ADAMTS18: variants seen among roughly 807,000 people sequenced by gnomAD.
ADAMTS18 encodes A disintegrin and metalloproteinase with thrombospondin motifs 18.
Under a neutral mutation model 165.9 loss-of-function variants are expected in ADAMTS18, and 157 were observed. The observed-to-expected ratio is 0.95, with a 90% CI of 0.83 to 1.08. ADAMTS18 has a LOEUF of 1.08. ADAMTS18 is among the 50% of genes least tolerant of loss of function. The pLI is 0.00. For missense variants in ADAMTS18, 2,040 were observed against 1,534.0 expected (o/e 1.33, Z -5.51); for synonymous variants, 782 against 578.2 (o/e 1.35, Z -5.06).
chr16:77,335,526 A>G (rs2056294578), intron 12 of ADAMTS18, among the ~76,000 whole-genome samples: 2 of 152,156 alleles, frequency 1.3e-5, no homozygotes, highest in African/African-American at 4.8e-5. Flanking sequence ...TTTTTAATAA[A>G]GAAACAATAA....
At chr16:77,339,683 A>G (rs1054980276) in intron 11 of ADAMTS18, among the ~76,000 whole-genome samples, 1 of 151,928 alleles carries the variant, frequency 6.6e-6, no homozygotes, top group East Asian at 1.9e-4. Flanking sequence ...AGCACTATTT[A>G]TATTTTAAAT....
At chr16:77,369,797 C>T (rs964832270) in intron 3 of ADAMTS18, among the ~76,000 whole-genome samples, 14 of 152,208 alleles carry the variant, frequency 9.2e-5, no homozygotes, top group South Asian at 2.1e-4. Context: ...AAGAAATCTA[C>T]GGGTCAGTAT....
At chr16:77,396,501 C>T (rs973860626) in intron 3 of ADAMTS18, among the ~76,000 whole-genome samples, 1 of 152,036 alleles carries the variant, frequency 6.6e-6, no homozygotes, top group African/African-American at 2.4e-5. Flanking sequence ...TGAAGGAAGT[C>T]GTTATTAGAA....
chr16:77,415,372 T>G (rs1322661599), intron 3 of ADAMTS18, among the ~76,000 whole-genome samples: 2 of 152,142 alleles, frequency 1.3e-5, no homozygotes, highest in Non-Finnish European at 2.9e-5. Flanking sequence ...GGAGAGGGGT[T>G]TATGCATAAG....
At chr16:77,334,797 A>ATATACTATAGTATACAGTATATATACTG (rs2056275648) in intron 12 of ADAMTS18, among the ~76,000 whole-genome samples, 1 of 120,474 alleles carries the variant, frequency 8.3e-6, no homozygotes, top group African/African-American at 3.2e-5. Context: ...TAAATATACT[A>ATATACTATAGTATACAGTATATATACTG]TATACTATAG....
At chr16:77,291,240 C>T (rs2055356314) in intron 21 of ADAMTS18, 26 bp downstream of exon 21, 2 of 1,611,906 alleles carry the variant, frequency 1.2e-6, no homozygotes, top group African/African-American at 2.7e-5. Context: ...CTTGAATAGA[C>T]ACCTCCTCAA....
chr16:77,365,072 G>C (rs2562120), intron 4 of ADAMTS18, among the ~76,000 whole-genome samples: 128,043 of 152,160 alleles, frequency 0.84, 54,266 homozygotes, highest in African/African-American at 0.93. Context: ...CCCCACTGCA[G>C]TCCATAAGGA....
chr16:77,373,232 T>C (rs984781864), intron 3 of ADAMTS18, among the ~76,000 whole-genome samples: 33 of 152,128 alleles, frequency 2.2e-4, no homozygotes, highest in Admixed American at 2.2e-3. Context: ...GGTTCATGCC[T>C]GTAATCCCAG....
At chr16:77,300,658 C>A (rs1419977143) in intron 16 of ADAMTS18, among the ~76,000 whole-genome samples, 2 of 152,024 alleles carry the variant, frequency 1.3e-5, no homozygotes, top group East Asian at 3.9e-4. Flanking sequence ...TTGCCATAAG[C>A]CCATAACGTA....
intron 12 of ADAMTS18, among the ~76,000 whole-genome samples, chr16:77,334,747 T>G (rs2056269324): frequency 8.6e-6 from 1 of 116,824 alleles, no homozygotes; most frequent in Non-Finnish European, 1.7e-5. Flanking sequence ...GTATATATAC[T>G]GTATACTATA....
intron 3 of ADAMTS18, among the ~76,000 whole-genome samples, chr16:77,375,632 G>A (rs202131169): frequency 6.6e-6 from 1 of 152,176 alleles, no homozygotes; most frequent in Non-Finnish European, 1.5e-5. Flanking sequence ...CAGAGACCAA[G>A]TGGCCTGCTA....
At chr16:77,329,618 G>A (rs1339316716) in intron 12 of ADAMTS18, among the ~76,000 whole-genome samples, 1 of 152,078 alleles carries the variant, frequency 6.6e-6, no homozygotes, top group African/African-American at 2.4e-5. Flanking sequence ...CCCACCCTGT[G>A]CTGAGTATTA....
intron 10 of ADAMTS18, among the ~76,000 whole-genome samples, chr16:77,347,348 T>C (rs936680003): frequency 6.6e-6 from 1 of 152,158 alleles, no homozygotes; most frequent in Non-Finnish European, 1.5e-5. Flanking sequence ...AGGGTAAAGG[T>C]AGGTTTAACT....
chr16:77,400,481 T>A (rs1052752864), intron 3 of ADAMTS18, among the ~76,000 whole-genome samples: 1 of 109,674 alleles, frequency 9.1e-6, no homozygotes, highest in East Asian at 2.2e-4. Context: ...TGTGTGTGTG[T>A]TTTGTTTTTT....
chr16:77,379,471 C>A (rs1303719622), intron 3 of ADAMTS18, among the ~76,000 whole-genome samples: 1 of 152,022 alleles, frequency 6.6e-6, no homozygotes, highest in Non-Finnish European at 1.5e-5. Context: ...ACCTTATATG[C>A]TGGCTATCTG....
chr16:77,426,802 T>A (rs1045094510), intron 3 of ADAMTS18, among the ~76,000 whole-genome samples: 3 of 152,082 alleles, frequency 2.0e-5, no homozygotes, highest in Non-Finnish European at 4.4e-5. Flanking sequence ...GCAGGAAGAT[T>A]GCTTGAGCCC....
At chr16:77,376,329 C>G (rs749382787) in intron 3 of ADAMTS18, among the ~76,000 whole-genome samples, 1 of 152,174 alleles carries the variant, frequency 6.6e-6, no homozygotes, top group Non-Finnish European at 1.5e-5. Context: ...AAATCCACCC[C>G]CAAGATCCAA....
chr16:77,286,220 C>G (rs560351355), intron 22 of ADAMTS18, among the ~76,000 whole-genome samples: 2 of 152,274 alleles, frequency 1.3e-5, no homozygotes, highest in East Asian at 3.9e-4. Context: ...GGTTCACCTT[C>G]CTTGAGGTCT....
rs2056089108 is a variant in ADAMTS18 at position 77,325,998 on chromosome 16, T to C, written c.1900A>G (p.Ile634Val). 3 of 1,613,922 alleles carry C rather than the reference T, an allele frequency of 1.9e-6. No individual in the cohort carries two copies. The highest frequency in any genetic ancestry group is 4.5e-5 in the East Asian group (2 of 44,874). Residue 634 changes from isoleucine (I) to valine (V), a missense_variant, in exon 13 of 23, where the codon ATT (isoleucine) becomes GTT (valine). Coordinates refer to ENST00000282849, the MANE Select transcript of ADAMTS18 (RefSeq NM_199355.4). The stretch of plus-strand genomic sequence containing the variant: ...GGGTTAATATTGCACAGCTGATAAA[T>C]ACGGCTAGAACCTGGACAGAATAAG... ...GGLFCPGSSR[I>V]YQLCNINPCN...
Sources: allele counts gnomAD v4.1 joint callset (sites outside exome capture counted in the v4.1 genomes callset), GRCh38; gene constraint gnomAD v4.1.1; transcripts MANE v1.5; gene names NCBI Gene and HGNC (gene_info 2026-07-23, HGNC 2026-07-21).